ERI3: variants seen among roughly 807,000 people sequenced by gnomAD.
ERI3 encodes ERI1 exoribonuclease 3.
A neutral mutation model predicts 44.4 loss-of-function variants in ERI3; 18 were observed. The observed-to-expected ratio is 0.41, with a 90% CI of 0.28 to 0.60. ERI3 has a LOEUF of 0.60. Ranked by LOEUF, ERI3 falls within the 20% of genes least tolerant of loss-of-function variation. The pLI is 0.36. For missense variants in ERI3, 294 were observed against 435.5 expected, an observed-to-expected ratio of 0.68 and a Z score of 2.89; for synonymous variants, 183 against 164.8, an observed-to-expected ratio of 1.11 and a Z score of -0.84.
chr1:44,354,051 G>A (rs1646948408), intron 1 of ERI3: 1 of 985,394 alleles, frequency 1.0e-6, no homozygotes, highest in Non-Finnish European at 1.2e-6. Flanking sequence ...CTAAAACAAG[G>A]CATGCTGTAT....
chr1:44,281,723 G>A (rs1645291294), intron 7 of ERI3, among the ~76,000 whole-genome samples: 1 of 151,120 alleles, frequency 6.6e-6, no homozygotes, highest in Non-Finnish European at 1.5e-5. Flanking sequence ...CTTCATGTCT[G>A]GGTATGCCTG....
At chr1:44,267,690 C>G (rs542090812) in intron 7 of ERI3, among the ~76,000 whole-genome samples, 2 of 152,340 alleles carry the variant, frequency 1.3e-5, no homozygotes, top group African/African-American at 4.8e-5. Flanking sequence ...TGCTTGCAGC[C>G]AAGTAGGTGC....
chr1:44,243,768 G>A (rs1422762805), intron 8 of ERI3: 1 of 152,232 alleles, frequency 6.6e-6, no homozygotes, highest in Non-Finnish European at 1.5e-5. Context: ...GTCTGTTCAG[G>A]CCTGCGTGTT....
chr1:44,323,333 C>T (rs1398609124), intron 3 of ERI3, among the ~76,000 whole-genome samples: 2 of 152,236 alleles, frequency 1.3e-5, no homozygotes, highest in African/African-American at 4.8e-5. Flanking sequence ...GAACAGTACA[C>T]TGTGATAAAT....
chr1:44,299,686 G>A (rs1645684190), intron 6 of ERI3, among the ~76,000 whole-genome samples: 1 of 152,140 alleles, frequency 6.6e-6, no homozygotes, highest in Non-Finnish European at 1.5e-5. Flanking sequence ...ATGGGCCTAG[G>A]AAGGTGAGAA....
At chr1:44,295,450 C>A (rs1645590744) in intron 6 of ERI3, among the ~76,000 whole-genome samples, 1 of 152,152 alleles carries the variant, frequency 6.6e-6, no homozygotes, top group Non-Finnish European at 1.5e-5. Context: ...GATCACTTGG[C>A]AGTCCCCATA....
intron 7 of ERI3, among the ~76,000 whole-genome samples, chr1:44,261,246 G>T (rs1401064250): frequency 1.3e-5 from 2 of 152,278 alleles, no homozygotes; most frequent in Non-Finnish European, 2.9e-5. Flanking sequence ...CCGGCTGGCA[G>T]ATCTGAGAGC....
At chr1:44,326,929 C>A (rs1646328640) in intron 3 of ERI3, among the ~76,000 whole-genome samples, 1 of 152,116 alleles carries the variant, frequency 6.6e-6, no homozygotes, top group Admixed American at 6.5e-5. Context: ...AACATAATAC[C>A]AATAAATGAA....
rs559359383 is a variant in ERI3 at position 44,252,037 on chromosome 1, T to A, written c.832-3999A>T. The stretch of plus-strand genomic sequence containing the variant: ...TCTGGGTGCCACTTCTTTGGCTGCA[T>A]CTCTCTCAGCCATCAGGGTCCACCT... On this transcript the variant is annotated intron_variant, in intron 7 of 8. Transcript: ENST00000372257. The surrounding 1 kb of genome is among the most constrained non-coding windows in gnomAD (Gnocchi z 4.7). Among the ~76,000 whole-genome samples, 135 of 152,280 alleles carry A rather than the reference T, an allele frequency of 8.9e-4. No homozygotes were observed. The highest frequency in any genetic ancestry group is 1.7e-3 in the Non-Finnish European group (118 of 68,006).
intron 3 of ERI3, among the ~76,000 whole-genome samples, chr1:44,331,880 C>T (rs189832453): frequency 3.9e-5 from 6 of 152,274 alleles, no homozygotes; most frequent in South Asian, 2.1e-4. Flanking sequence ...AGCCCTCCCC[C>T]ACACTGTGAG....
At chr1:44,260,020 C>A (rs1230951388) in intron 7 of ERI3, among the ~76,000 whole-genome samples, 1 of 152,000 alleles carries the variant, frequency 6.6e-6, no homozygotes, top group East Asian at 1.9e-4. Context: ...TAATAGAGAA[C>A]CAAGATAATA....
At chr1:44,328,533 T>C (rs1056953650) in intron 3 of ERI3, among the ~76,000 whole-genome samples, 10 of 152,120 alleles carry the variant, frequency 6.6e-5, no homozygotes, top group African/African-American at 2.4e-4. Flanking sequence ...TACAGCAGTG[T>C]TTCTCAGACT....
chr1:44,236,938 T>C (rs545910720), intron 8 of ERI3, among the ~76,000 whole-genome samples: 16 of 152,292 alleles, frequency 1.1e-4, no homozygotes, highest in African/African-American at 3.8e-4. Context: ...TGTGGCCTTC[T>C]AAGGCTGTCC....
At chr1:44,230,015 A>C (rs1029192833) in intron 8 of ERI3, among the ~76,000 whole-genome samples, 5 of 152,110 alleles carry the variant, frequency 3.3e-5, no homozygotes, top group African/African-American at 1.2e-4. Flanking sequence ...CTCCCCTTGA[A>C]TCATTAAATA....
chr1:44,248,126 T>C (rs2154318147), intron 7 of ERI3, 88 bp from the exon 8 acceptor site: 2 of 811,348 alleles, frequency 2.5e-6, no homozygotes, highest in South Asian at 3.7e-5. Flanking sequence ...CCCCCAAATC[T>C]TTCCAACAAG....
chr1:44,326,398 C>T (rs1646313061), intron 3 of ERI3, among the ~76,000 whole-genome samples: 2 of 152,064 alleles, frequency 1.3e-5, no homozygotes, highest in Non-Finnish European at 2.9e-5. Flanking sequence ...TTTGCAATAA[C>T]AGTTTCTCCC....
chr1:44,308,667 A>G (rs115939678), intron 5 of ERI3, among the ~76,000 whole-genome samples: 2,116 of 152,298 alleles, frequency 0.014, 49 homozygotes, highest in African/African-American at 0.048. Flanking sequence ...AGCCTGCTCC[A>G]GATCCCAGCA....
At chr1:44,298,460 T>C (rs1264817010) in intron 6 of ERI3, among the ~76,000 whole-genome samples, 2 of 152,114 alleles carry the variant, frequency 1.3e-5, no homozygotes, top group African/African-American at 2.4e-5. Flanking sequence ...AGCAAACATA[T>C]ACTAAATAAC....
chr1:44,327,219 G>A (rs1038119992), intron 3 of ERI3, among the ~76,000 whole-genome samples: 5 of 152,180 alleles, frequency 3.3e-5, no homozygotes, highest in Non-Finnish European at 7.3e-5. Flanking sequence ...GCATCACTAA[G>A]GAAGGGCCTA....
Sources: gnomAD v4.1 joint callset for allele counts (sites outside exome capture counted in the v4.1 genomes callset) on GRCh38, gnomAD v4.1.1 for gene constraint, Gnocchi (gnomAD v3.1) non-coding constraint, MANE v1.5 for transcripts, NCBI Gene and HGNC (gene_info 2026-07-23, HGNC 2026-07-21) for gene names.